The following SNTG1 variants were observed in gnomAD, a reference collection of about 807,000 sequenced individuals.
The protein encoded by SNTG1 is gamma-1-syntrophin.
SNTG1 carries 39 observed loss-of-function variants against 74.7 expected under a neutral mutation model. The observed-to-expected ratio is 0.52, with a 90% CI of 0.40 to 0.68. SNTG1 has a LOEUF of 0.68. SNTG1 is among the 30% of genes least tolerant of loss of function. The probability of loss-of-function intolerance (pLI) is 0.00; values close to 1 mark genes in which losing one functional copy is unlikely to be tolerated. For missense variants in SNTG1, 685 were observed against 609.5 expected, an observed-to-expected ratio of 1.12 and a Z score of -1.30; for synonymous variants, 254 against 217.1, an observed-to-expected ratio of 1.17 and a Z score of -1.49.
intron 1 of SNTG1, among the ~76,000 whole-genome samples, chr8:50,145,747 G>A (rs913177808): frequency 6.6e-6 from 1 of 151,966 alleles, no homozygotes; most frequent in Admixed American, 6.5e-5. Context: ...ATTGTCAAAA[G>A]CACTTTTTAT....
rs144218352 is a variant in SNTG1 at position 50,590,220 on chromosome 8, G to A, written c.811-659G>A. ...CTTAAGTTTCTCTACAAAGCTATTGGAAGGTAATTATTTTATTCAGCAAAA... is the reference window on the plus strand; with the variant it reads ...CTTAAGTTTCTCTACAAAGCTATTGAAAGGTAATTATTTTATTCAGCAAAA... On this transcript the variant is annotated intron_variant, in intron 12 of 18. Transcript: ENST00000642720. 7.3e-3 allele frequency among the ~76,000 whole-genome samples: 1,107 copies of A among 152,222 alleles called. 3 individuals carry two copies. Among genetic ancestry groups the A allele is most frequent in the South Asian group, 0.013 (62 of 4,828 alleles).
At chr8:50,076,018 A>G (rs1034740677) in intron 1 of SNTG1, among the ~76,000 whole-genome samples, 5 of 152,228 alleles carry the variant, frequency 3.3e-5, no homozygotes, top group East Asian at 1.9e-4. Flanking sequence ...CAGACACAAC[A>G]TAACAGATCA....
At chr8:50,176,842 A>G (rs1390612045) in intron 2 of SNTG1, among the ~76,000 whole-genome samples, 2 of 152,142 alleles carry the variant, frequency 1.3e-5, no homozygotes, top group Non-Finnish European at 2.9e-5. Context: ...TATTGTTCGT[A>G]TTGTCTACCC....
chr8:50,547,155 T>G (rs1585643200), intron 11 of SNTG1, among the ~76,000 whole-genome samples: 1 of 152,152 alleles, frequency 6.6e-6, no homozygotes, highest in Non-Finnish European at 1.5e-5. Flanking sequence ...CAGCTGCCCC[T>G]GCAGTTTCAT....
intron 9 of SNTG1, among the ~76,000 whole-genome samples, chr8:50,511,817 G>A (rs183433383): frequency 6.4e-4 from 98 of 152,152 alleles, no homozygotes; most frequent in African/African-American, 2.1e-3. Flanking sequence ...GTCTCTGCAC[G>A]TGAGGTGGGT....
intron 1 of SNTG1, among the ~76,000 whole-genome samples, chr8:50,126,584 T>C (rs986236234): frequency 1.3e-5 from 2 of 151,956 alleles, no homozygotes; most frequent in African/African-American, 4.8e-5. Flanking sequence ...ATATAAAGCA[T>C]ATATACATTT....
chr8:50,774,600 T>C (rs1407215946), intron 18 of SNTG1, among the ~76,000 whole-genome samples: 2 of 151,856 alleles, frequency 1.3e-5, no homozygotes, highest in African/African-American at 4.8e-5. Context: ...AAATAATTTT[T>C]AGATAATAAC....
chr8:50,696,131 A>G (rs2095404323), intron 15 of SNTG1, among the ~76,000 whole-genome samples: 1 of 151,870 alleles, frequency 6.6e-6, no homozygotes, highest in Admixed American at 6.6e-5. Flanking sequence ...CAAATCTGTT[A>G]TTTTATGACA....
At chr8:50,074,539 A>C (rs1056116784) in intron 1 of SNTG1, among the ~76,000 whole-genome samples, 1 of 152,254 alleles carries the variant, frequency 6.6e-6, no homozygotes, top group Non-Finnish European at 1.5e-5. Context: ...CAAAACATAC[A>C]CATTTATCAA....
At chr8:50,469,165 T>A (rs576162750) in intron 8 of SNTG1, among the ~76,000 whole-genome samples, 2 of 152,216 alleles carry the variant, frequency 1.3e-5, no homozygotes, top group Non-Finnish European at 2.9e-5. Context: ...TTTCTTGCAG[T>A]GGAGAGTTCC....
intron 1 of SNTG1, among the ~76,000 whole-genome samples, chr8:50,127,142 G>T (rs969025259): frequency 3.9e-5 from 6 of 152,076 alleles, no homozygotes; most frequent in Admixed American, 2.0e-4. Context: ...GAAAGTAAAG[G>T]ATTCCTGAGT....
intron 1 of SNTG1, among the ~76,000 whole-genome samples, chr8:50,146,156 G>A (rs1430670163): frequency 1.3e-5 from 2 of 152,094 alleles, no homozygotes; most frequent in Non-Finnish European, 2.9e-5. Context: ...TTGTGTGTGT[G>A]TGTGTGTTTT....
chr8:50,792,848 GAC>G lies in SNTG1; in HGVS notation c.*24_*25del. 1 of 1,609,004 alleles carries G rather than the reference GAC, an allele frequency of 6.2e-7. No individual in the cohort carries two copies. The highest frequency in any genetic ancestry group is 8.5e-7 in the Non-Finnish European group (1 of 1,177,314). On this transcript the variant is annotated 3_prime_UTR_variant, in exon 19 of 19. Transcript: ENST00000642720. ...AACTTGACATACTGAACTCTTCATT[GAC>G]ACACCCCATGACTGTATAAGCAGGA...
intron 8 of SNTG1, among the ~76,000 whole-genome samples, chr8:50,473,686 T>C (rs975706262): frequency 6.6e-6 from 1 of 152,130 alleles, no homozygotes; most frequent in African/African-American, 2.4e-5. Context: ...AACAGATGAA[T>C]GGATAAACAA....
At chr8:50,257,946 G>A (rs1160551381) in intron 2 of SNTG1, among the ~76,000 whole-genome samples, 1 of 152,212 alleles carries the variant, frequency 6.6e-6, no homozygotes, top group Non-Finnish European at 1.5e-5. Context: ...CAGCCAGAAA[G>A]TTAACATGAA....
intron 18 of SNTG1, among the ~76,000 whole-genome samples, chr8:50,780,495 G>A (rs974054499): frequency 3.3e-5 from 5 of 152,152 alleles, no homozygotes; most frequent in Admixed American, 6.5e-5. Context: ...TTGCATAGAG[G>A]TGTTTGTAGT....
intron 2 of SNTG1, among the ~76,000 whole-genome samples, chr8:50,387,040 A>C (rs1294552806): frequency 1.3e-5 from 2 of 152,134 alleles, no homozygotes; most frequent in Non-Finnish European, 2.9e-5. Flanking sequence ...TCAAATAAAA[A>C]TTTAGTAGGC....
At chr8:50,303,789 C>T (rs1459790358) in intron 2 of SNTG1, among the ~76,000 whole-genome samples, 3 of 152,104 alleles carry the variant, frequency 2.0e-5, no homozygotes, top group African/African-American at 7.2e-5. Context: ...CTTCTGTGAG[C>T]TGGACATGGC....
chr8:50,394,148 T>C, intron 2 of SNTG1, 64 bp from the exon 3 acceptor site: 1 of 1,312,238 alleles, frequency 7.6e-7, no homozygotes, highest in Non-Finnish European at 1.1e-6. Context: ...TCCTCCACTA[T>C]ATTAGTGTTC....
Sources: gnomAD v4.1 joint callset for allele counts (sites outside exome capture counted in the v4.1 genomes callset) on GRCh38, gnomAD v4.1.1 for gene constraint, MANE v1.5 for transcripts, NCBI Gene and HGNC (gene_info 2026-07-23, HGNC 2026-07-21) for gene names.